Variants in MSRA observed in about 807,000 individuals in gnomAD.
MSRA encodes the protein mitochondrial peptide methionine sulfoxide reductase.
Under a neutral mutation model 31.3 loss-of-function variants are expected in MSRA, and 54 were observed. That is an observed-to-expected ratio of 1.73 (90% CI 1.39 to 2.17). The LOEUF is 2.17. MSRA is among the 30% of genes most tolerant of loss of function. The probability of loss-of-function intolerance (pLI) is 0.00; values close to 1 mark genes in which losing one functional copy is unlikely to be tolerated. For synonymous variants in MSRA, 169 were observed against 116.5 expected, an observed-to-expected ratio of 1.45 and a Z score of -2.90; for missense variants, 507 against 300.9, an observed-to-expected ratio of 1.69 and a Z score of -5.07.
intron 2 of MSRA, among the ~76,000 whole-genome samples, chr8:10,222,993 A>T (rs900733352): frequency 6.6e-6 from 1 of 152,226 alleles, no homozygotes; most frequent in Admixed American, 6.5e-5. Flanking sequence ...TAAGTGTGTA[A>T]GGTGATAGGT....
At chr8:10,303,285 T>A (rs1800945916) in intron 4 of MSRA, among the ~76,000 whole-genome samples, 1 of 152,228 alleles carries the variant, frequency 6.6e-6, no homozygotes, top group African/African-American at 2.4e-5. Flanking sequence ...TGTCGTCAAC[T>A]TCTCTCTCCA....
intron 1 of MSRA, among the ~76,000 whole-genome samples, chr8:10,185,455 C>T (rs1270073706): frequency 6.6e-6 from 1 of 152,112 alleles, no homozygotes; most frequent in East Asian, 1.9e-4. Context: ...CTGTTTCTGC[C>T]TTTCTACCTC....
intron 1 of MSRA, among the ~76,000 whole-genome samples, chr8:10,150,511 C>T (rs939792900): frequency 6.6e-6 from 1 of 152,142 alleles, no homozygotes; most frequent in African/African-American, 2.4e-5. Context: ...CAAAATGCAA[C>T]CATGTAATCA....
At chr8:10,353,564 A>C in intron 5 of MSRA, 1 of 455,470 alleles carries the variant, frequency 2.2e-6, no homozygotes, top group Admixed American at 2.4e-5. Flanking sequence ...AACGAGATGC[A>C]ATTTTCTGGG....
At chr8:10,382,179 T>G (rs910742828) in intron 5 of MSRA, among the ~76,000 whole-genome samples, 2 of 152,094 alleles carry the variant, frequency 1.3e-5, no homozygotes, top group Admixed American at 6.5e-5. Context: ...GCTGCAGTTG[T>G]TTGTGTTAGT....
intron 1 of MSRA, among the ~76,000 whole-genome samples, chr8:10,188,372 A>G (rs773840840): frequency 2.0e-5 from 3 of 152,230 alleles, no homozygotes; most frequent in South Asian, 4.1e-4. Context: ...TAACAGTCAC[A>G]TTCCTCTCAT....
chr8:10,327,954 C>A (rs1476999358), intron 5 of MSRA, among the ~76,000 whole-genome samples: 4 of 151,458 alleles, frequency 2.6e-5, no homozygotes, highest in African/African-American at 7.3e-5. Context: ...AACAAAAAAA[C>A]CTACTCACCT....
At chr8:10,122,119 G>T (rs151230013) in intron 1 of MSRA, among the ~76,000 whole-genome samples, 1 of 152,120 alleles carries the variant, frequency 6.6e-6, no homozygotes, top group Non-Finnish European at 1.5e-5. Context: ...AGCTGGAAGG[G>T]TCTGCAGAGC....
chr8:10,390,979 G>GA (rs58263674), intron 5 of MSRA, among the ~76,000 whole-genome samples: 46,183 of 138,572 alleles, frequency 0.33, 7,630 homozygotes, highest in Non-Finnish European at 0.37. Context: ...TGTCTCAAAA[G>GA]AAAAAAAAAA....
intron 2 of MSRA, among the ~76,000 whole-genome samples, chr8:10,231,902 CAAAAT>C (rs200033476): frequency 0.027 from 4,132 of 150,656 alleles, 59 homozygotes; most frequent in African/African-American, 0.041. Context: ...GACTTTGTCT[CAAAAT>C]AAAATAAAAA....
At position 10,073,279 on chromosome 8, in the gene MSRA, A is replaced by C. The variant is rs147340957; in HGVS notation, c.142+18621A>C. ...TTTTGCAGATGCTGTTTATTGAGTT[A>C]CGGTAGTTCCTCTTTATTCCTAACT... On this transcript the variant is annotated intron_variant, in intron 1 of 5. Coordinates refer to ENST00000317173, the MANE Select transcript of MSRA (RefSeq NM_012331.5). Among the ~76,000 whole-genome samples the C allele has an allele frequency of 2.6e-5, 4 of 152,192 alleles. No individual in the cohort carries two copies. In the East Asian group the frequency reaches 5.8e-4, roughly 22 times the overall value.
At chr8:10,337,226 C>G (rs1170635040) in intron 5 of MSRA, 1 of 152,642 alleles carries the variant, frequency 6.6e-6, no homozygotes, top group South Asian at 2.1e-4. Flanking sequence ...GTCACCCAGG[C>G]TGGAGTGCAG....
At position 10,102,403 on chromosome 8, in the gene MSRA, A is replaced by G. The variant is rs181311033; in HGVS notation, c.142+47745A>G. Among the ~76,000 whole-genome samples, 9 of 152,194 alleles carry G rather than the reference A, an allele frequency of 5.9e-5. No homozygotes were observed. In the East Asian group the frequency reaches 1.7e-3, roughly 29 times the overall value. On this transcript the variant is annotated intron_variant, in intron 1 of 5. Transcript: ENST00000317173. ...AGATTCACCTATTCTTTTCTCTGTC[A>G]TCTTCATTCTGCTGTTTAGCTCACT...
At chr8:10,124,731 C>G (rs758781426) in intron 1 of MSRA, among the ~76,000 whole-genome samples, 1 of 151,948 alleles carries the variant, frequency 6.6e-6, no homozygotes, top group Non-Finnish European at 1.5e-5. Flanking sequence ...ATCTATTATT[C>G]GAGGATGCAG....
chr8:10,392,501 G>GCTCTTTCTCCCCTTCCT (rs1806809458), intron 5 of MSRA, among the ~76,000 whole-genome samples: 1 of 152,088 alleles, frequency 6.6e-6, no homozygotes, highest in South Asian at 2.1e-4. Context: ...TGCTCCTTCC[G>GCTCTTTCTCCCCTTCCT]CTCTTTCTCC....
chr8:10,107,046 A>G (rs1246541406), intron 1 of MSRA, among the ~76,000 whole-genome samples: 1 of 152,158 alleles, frequency 6.6e-6, no homozygotes, highest in Non-Finnish European at 1.5e-5. Flanking sequence ...ATGAGGCCAC[A>G]TCATGGATAG....
At chr8:10,260,947 TTAGTC>T (rs1192735654) in intron 3 of MSRA, among the ~76,000 whole-genome samples, 6 of 152,212 alleles carry the variant, frequency 3.9e-5, no homozygotes, top group East Asian at 1.9e-4. Context: ...CACTGAATCT[TTAGTC>T]TAAGCACAAA....
At chr8:10,141,049 G>C (rs1225686959) in intron 1 of MSRA, among the ~76,000 whole-genome samples, 1 of 152,198 alleles carries the variant, frequency 6.6e-6, no homozygotes, top group Non-Finnish European at 1.5e-5. Flanking sequence ...GTGATGGGCA[G>C]ATGCAGTGAG....
At chr8:10,072,180 A>G (rs1263077588) in intron 1 of MSRA, among the ~76,000 whole-genome samples, 2 of 152,166 alleles carry the variant, frequency 1.3e-5, no homozygotes, top group African/African-American at 2.4e-5. Context: ...CACACAAGGC[A>G]TAAGCCTGCC....
Sources: allele counts gnomAD v4.1 joint callset (sites outside exome capture counted in the v4.1 genomes callset), GRCh38; gene constraint gnomAD v4.1.1; transcripts MANE v1.5; gene names NCBI Gene and HGNC (gene_info 2026-07-23, HGNC 2026-07-21).